The following WWOX variants were observed in gnomAD, a reference collection of about 807,000 sequenced individuals.
The protein encoded by WWOX is WW domain-containing oxidoreductase.
A neutral mutation model predicts 46.2 loss-of-function variants in WWOX; 69 were observed. The observed-to-expected ratio is 1.49, with a 90% CI of 1.23 to 1.82. The LOEUF (loss-of-function observed/expected upper bound fraction) is 1.82, where lower values mean the gene tolerates loss of function less well. WWOX is among the 40% of genes most tolerant of loss of function. The pLI is 0.00. For synonymous variants in WWOX, 359 were observed against 202.6 expected, an observed-to-expected ratio of 1.77 and a Z score of -6.56; for missense variants, 919 against 542.6, an observed-to-expected ratio of 1.69 and a Z score of -6.89.
chr16:78,189,294 T>C (rs1056197815), intron 5 of WWOX, among the ~76,000 whole-genome samples: 4 of 152,226 alleles, frequency 2.6e-5, no homozygotes, highest in Admixed American at 2.6e-4. Flanking sequence ...TAGGAGCCCT[T>C]TCCTGCTGTA....
chr16:78,615,474 C>A (rs1015753021), intron 8 of WWOX, among the ~76,000 whole-genome samples: 7 of 151,954 alleles, frequency 4.6e-5, no homozygotes, highest in Non-Finnish European at 7.3e-5. Flanking sequence ...CATAGCACGA[C>A]CCATCTCTAC....
At chr16:78,295,602 T>A (rs1248391692) in intron 5 of WWOX, among the ~76,000 whole-genome samples, 2 of 152,154 alleles carry the variant, frequency 1.3e-5, no homozygotes, top group Non-Finnish European at 2.9e-5. Context: ...TCTCAGCTAC[T>A]CAGGAGGCTG....
rs190642350 is a variant in WWOX at position 78,839,415 on chromosome 16, A to G, written c.1057-372193A>G. 4.1e-4 allele frequency among the ~76,000 whole-genome samples: 62 copies of G among 152,226 alleles called. 1 individual carries two copies. In the East Asian group the frequency reaches 8.7e-3, roughly 21 times the overall value. ...GCTGAAACTTGTTGGTTTGGCATTG[A>G]TTTTGACAAAAGACAGCAACAAGAT... On this transcript the variant is annotated intron_variant, in intron 8 of 8. Coordinates refer to ENST00000566780, the MANE Select transcript of WWOX (RefSeq NM_016373.4).
chr16:78,172,847 T>TAGTTTGA lies in WWOX; in HGVS notation c.516+8558_516+8559insAGTTTGA, dbSNP rs1378822822. 4.6e-5 allele frequency among the ~76,000 whole-genome samples: 7 copies of TAGTTTGA among 152,366 alleles called. No homozygotes were observed. In the South Asian group the frequency reaches 1.4e-3, roughly 32 times the overall value. On this transcript the variant is annotated intron_variant, in intron 5 of 8. Transcript: ENST00000566780. ...ACATAGTTTGAAGAGACGGATTTCATGTTCAGACAGTGTTCAGCCGCCAAT... is the reference window on the plus strand; with the variant it reads ...ACATAGTTTGAAGAGACGGATTTCATAGTTTGAGTTCAGACAGTGTTCAGCCGCCAAT...
intron 5 of WWOX, among the ~76,000 whole-genome samples, chr16:78,179,298 A>G (rs1487302253): frequency 6.6e-6 from 1 of 152,196 alleles, no homozygotes; most frequent in Non-Finnish European, 1.5e-5. Flanking sequence ...TAGTAAAGTC[A>G]TTTGTCCTTC....
chr16:78,489,167 C>T (rs2084714817), intron 8 of WWOX, among the ~76,000 whole-genome samples: 1 of 152,162 alleles, frequency 6.6e-6, no homozygotes, highest in Non-Finnish European at 1.5e-5. Context: ...CATTAATCTC[C>T]CTCAGCCTCA....
At chr16:78,223,309 C>G (rs890528222) in intron 5 of WWOX, among the ~76,000 whole-genome samples, 2 of 152,108 alleles carry the variant, frequency 1.3e-5, no homozygotes, top group Non-Finnish European at 2.9e-5. Context: ...TCCTACAATG[C>G]ACAGGCGCAT....
intron 8 of WWOX, among the ~76,000 whole-genome samples, chr16:78,748,235 G>T (rs762464569): frequency 1.3e-5 from 2 of 152,142 alleles, no homozygotes; most frequent in Non-Finnish European, 2.9e-5. Flanking sequence ...TCTGATGAAT[G>T]AATGAATGAA....
chr16:79,104,453 C>G (rs576065763), intron 8 of WWOX, among the ~76,000 whole-genome samples: 11 of 152,260 alleles, frequency 7.2e-5, no homozygotes, highest in African/African-American at 2.6e-4. Context: ...ATTCATCCGT[C>G]TATCATATTT....
chr16:78,808,962 A>G (rs946607039), intron 8 of WWOX, among the ~76,000 whole-genome samples: 11 of 152,036 alleles, frequency 7.2e-5, no homozygotes, highest in African/African-American at 2.4e-4. Flanking sequence ...GCTTGATCTA[A>G]ATGTACTTAG....
At chr16:78,406,562 G>T (rs937128633) in intron 6 of WWOX, among the ~76,000 whole-genome samples, 1 of 150,498 alleles carries the variant, frequency 6.6e-6, no homozygotes, top group Admixed American at 6.6e-5. Flanking sequence ...TGTTGGCGAG[G>T]ATGGTCTCAG....
rs561560064 is a variant in WWOX at position 78,760,047 on chromosome 16, G to C, written c.1056+327295G>C. Among the ~76,000 whole-genome samples the C allele has an allele frequency of 4.6e-5, 7 of 152,228 alleles. No homozygotes were observed. The South Asian group carries it at 1.5e-3, about 32-fold the overall frequency. On this transcript the variant is annotated intron_variant, in intron 8 of 8. Transcript: ENST00000566780. The stretch of plus-strand genomic sequence containing the variant: ...GATGTATTTGTCTGTGTTCACACTA[G>C]TGATAAAGACATACCCAAAACTGGG...
chr16:78,169,079 G>A lies in WWOX; in HGVS notation c.516+4790G>A, dbSNP rs1170009986. ...CCATTCATATTTAAATAAAGAAAAC[G>A]GGGCAGTGGGGCTTGTTCCTATGTT... On this transcript the variant is annotated intron_variant, in intron 5 of 8. Transcript: ENST00000566780. 5.3e-5 allele frequency among the ~76,000 whole-genome samples: 8 copies of A among 152,134 alleles called. No individual in the cohort carries two copies. The South Asian group carries it at 1.0e-3, about 20-fold the overall frequency.
chr16:79,201,916 A>G (rs2051361076), intron 8 of WWOX, among the ~76,000 whole-genome samples: 1 of 152,198 alleles, frequency 6.6e-6, no homozygotes, highest in African/African-American at 2.4e-5. Context: ...AAGAATTTTC[A>G]TTTGATCAAA....
At chr16:78,726,070 C>CA in intron 8 of WWOX, among the ~76,000 whole-genome samples, 1 of 145,328 alleles carries the variant, frequency 6.9e-6, no homozygotes, top group Non-Finnish European at 1.5e-5. Context: ...CCCTGCTTCC[C>CA]TTCCCTCCCT....
intron 5 of WWOX, among the ~76,000 whole-genome samples, chr16:78,267,393 C>G (rs540888248): frequency 1.3e-5 from 2 of 152,188 alleles, no homozygotes; most frequent in Non-Finnish European, 2.9e-5. Flanking sequence ...TCTGACTTTT[C>G]GCTTCATTTT....
chr16:78,175,327 C>T (rs528056311), intron 5 of WWOX, among the ~76,000 whole-genome samples: 4 of 152,236 alleles, frequency 2.6e-5, no homozygotes, highest in Admixed American at 1.3e-4. Context: ...GAAGTGGCTG[C>T]GATTGTTTTA....
At chr16:78,863,540 C>T (rs190598771) in intron 8 of WWOX, among the ~76,000 whole-genome samples, 20 of 152,292 alleles carry the variant, frequency 1.3e-4, no homozygotes, top group Middle Eastern at 3.4e-3. Flanking sequence ...CATCAGTAGT[C>T]CTCGTGATCT....
chr16:78,496,655 A>C lies in WWOX; in HGVS notation c.1056+63903A>C, dbSNP rs545963316. ...GGAGGGATGCATTCTATGCACCCCA[A>C]GTTTCTGGTTTACTCGTGGTTTCAG... On this transcript the variant is annotated intron_variant, in intron 8 of 8. Coordinates refer to ENST00000566780, the MANE Select transcript of WWOX (RefSeq NM_016373.4). Among the ~76,000 whole-genome samples, 12 of 152,348 alleles carry C rather than the reference A, an allele frequency of 7.9e-5. No individual in the cohort carries two copies. In the East Asian group the frequency reaches 2.3e-3, roughly 29 times the overall value.
Sources: gnomAD v4.1 joint callset for allele counts (sites outside exome capture counted in the v4.1 genomes callset) on GRCh38, gnomAD v4.1.1 for gene constraint, MANE v1.5 for transcripts, NCBI Gene and HGNC (gene_info 2026-07-23, HGNC 2026-07-21) for gene names.